PARD6G: variants seen among roughly 807,000 people sequenced by gnomAD.
PARD6G encodes partitioning defective 6 homolog gamma.
In PARD6G, 7 loss-of-function variants were observed where a neutral mutation model predicts 10.7. The ratio of observed to expected loss-of-function variants is 0.66; its 90% CI spans 0.37 to 1.23. The LOEUF (loss-of-function observed/expected upper bound fraction) is 1.23. Ranked by LOEUF, PARD6G falls within the 50% of genes most tolerant of loss-of-function variation. PARD6G has a pLI of 0.02. For synonymous variants in PARD6G, 287 were observed against 269.4 expected (o/e 1.07, Z -0.64); for missense variants, 548 against 571.8 (o/e 0.96, Z 0.42).
rs750620753 is a variant in PARD6G at position 80,181,071 on chromosome 18, G to A, written c.296-20465C>T. 1.3e-5 allele frequency among the ~76,000 whole-genome samples: 2 copies of A among 152,182 alleles called. No homozygotes were observed. The highest frequency in any genetic ancestry group is 6.5e-5 in the Admixed American group (1 of 15,282). On this transcript the variant is annotated intron_variant, in intron 2 of 2. Transcript: ENST00000353265. This position sits in a 1 kb window ranked among gnomAD's most constrained non-coding sequence, Gnocchi z 7.9. ...CTGTTCAAAGGTCTGAACCTCACGC[G>A]CGATCTCGACATTAGAACATGGGCT...
intron 1 of PARD6G, among the ~76,000 whole-genome samples, chr18:80,236,971 A>T (rs534638763): frequency 6.6e-6 from 1 of 152,306 alleles, no homozygotes; most frequent in Admixed American, 6.5e-5. Context: ...GCTACCAATG[A>T]CTTTCTGCAC....
intron 2 of PARD6G, among the ~76,000 whole-genome samples, chr18:80,195,110 C>A (rs1440946520): frequency 6.6e-6 from 1 of 152,188 alleles, no homozygotes; most frequent in Non-Finnish European, 1.5e-5. Flanking sequence ...CCTGTGCCTC[C>A]ACGCTTGGCC....
chr18:80,182,795 T>G lies in PARD6G; in HGVS notation c.295+19915A>C. ...GGGGCTTATCAAAGCTCTGTTTTAT[T>G]CTTTTAAAAATGACAAGTTACTATT... On this transcript the variant is annotated intron_variant, in intron 2 of 2. Transcript: ENST00000353265. The surrounding 1 kb of genome is among the most constrained non-coding windows in gnomAD (Gnocchi z 4.5). The G allele has an allele frequency of 3.3e-6, 1 of 304,300 alleles. No homozygotes were observed. Among genetic ancestry groups the G allele is most frequent in the South Asian group, 7.4e-5 (1 of 13,500 alleles). The allele number at this position is 304,300 out of a possible 1,614,324, so 18.8% of individuals were successfully genotyped here.
intron 2 of PARD6G, among the ~76,000 whole-genome samples, chr18:80,194,589 A>AC (rs771979638): frequency 1.3e-4 from 19 of 150,558 alleles, no homozygotes; most frequent in East Asian, 7.8e-4. Context: ...ATGGACATTC[A>AC]CCCCCCCGAG....
At chr18:80,204,327 C>A (rs1032870644) in intron 1 of PARD6G, among the ~76,000 whole-genome samples, 1 of 152,028 alleles carries the variant, frequency 6.6e-6, no homozygotes, top group East Asian at 1.9e-4. Context: ...CACCTGGAGG[C>A]CCCCCAGAGT....
chr18:80,199,231 T>C (rs1207276662), intron 2 of PARD6G, among the ~76,000 whole-genome samples: 12 of 152,230 alleles, frequency 7.9e-5, no homozygotes. Flanking sequence ...TACACAGTCC[T>C]TGAATAATGA....
intron 2 of PARD6G, among the ~76,000 whole-genome samples, chr18:80,196,802 A>G (rs1966959950): frequency 6.7e-6 from 1 of 149,880 alleles, no homozygotes; most frequent in South Asian, 2.1e-4. Context: ...TCCTCCCTCA[A>G]CACACTCCTA....
intron 1 of PARD6G, among the ~76,000 whole-genome samples, chr18:80,237,632 A>G (rs2145305918): frequency 1.3e-5 from 2 of 152,368 alleles, no homozygotes; most frequent in East Asian, 3.9e-4. Flanking sequence ...AGAATCTACA[A>G]AGAACACAAA....
At chr18:80,173,882 A>T (rs2052792840) in intron 2 of PARD6G, among the ~76,000 whole-genome samples, 1 of 152,164 alleles carries the variant, frequency 6.6e-6, no homozygotes. Flanking sequence ...GCCTCACAGA[A>T]GCCACTGAGT....
At chr18:80,213,672 G>C (rs1466886499) in intron 1 of PARD6G, among the ~76,000 whole-genome samples, 2 of 152,286 alleles carry the variant, frequency 1.3e-5, no homozygotes, top group Non-Finnish European at 2.9e-5. Context: ...AAAATGTTCA[G>C]TTTTGGCCGG....
At position 80,181,549 on chromosome 18, in the gene PARD6G, C is replaced by T. The variant is rs2052848703; in HGVS notation, c.296-20943G>A. On this transcript the variant is annotated intron_variant, in intron 2 of 2. Transcript: ENST00000353265. This position sits in a 1 kb window ranked among gnomAD's most constrained non-coding sequence, Gnocchi z 7.9. ...AACCCTACATCTCTGCTTCCAAAGT[C>T]CGGTAGGTGTGCCCTTCCCCTAAAC... 6.6e-6 allele frequency among the ~76,000 whole-genome samples: 1 copy of T among 152,106 alleles called. No individual in the cohort carries two copies. Among genetic ancestry groups the T allele is most frequent in the Admixed American group, 6.5e-5 (1 of 15,274 alleles).
intron 1 of PARD6G, among the ~76,000 whole-genome samples, chr18:80,235,852 ATAAT>A (rs1469204482): frequency 6.6e-6 from 1 of 152,218 alleles, no homozygotes; most frequent in Non-Finnish European, 1.5e-5. Flanking sequence ...AATTGAGGCA[ATAAT>A]TAATAGCTTA....
intron 1 of PARD6G, among the ~76,000 whole-genome samples, chr18:80,224,703 C>T (rs186191700): frequency 4.7e-4 from 72 of 152,172 alleles, no homozygotes; most frequent in African/African-American, 1.5e-3. Flanking sequence ...AAAAATTAGC[C>T]GGGCGTGATG....
Position 80,183,283 on chromosome 18 carries a change from GAAA to G in PARD6G, c.295+19424_295+19426del. 1.5e-6 allele frequency: 1 copy of G among 663,754 alleles called. No individual in the cohort carries two copies. The highest frequency in any genetic ancestry group is 2.7e-6 in the Non-Finnish European group (1 of 364,318). 41.1% of individuals were successfully genotyped at this position (663,754 alleles called of 1,614,324 possible). A position where few individuals can be genotyped will look rare whatever the true frequency, so the allele number is the denominator to read the frequency against. ...AGCAAAGCCGCATACAGGCATAGTGGAAAAGTACGCTGACCTTCTCAGTGGCTC... is the reference window on the plus strand; with the variant it reads ...AGCAAAGCCGCATACAGGCATAGTGGAGTACGCTGACCTTCTCAGTGGCTC... On this transcript the variant is annotated intron_variant, in intron 2 of 2. Coordinates refer to ENST00000353265, the MANE Select transcript of PARD6G (RefSeq NM_032510.4). This position sits in a 1 kb window ranked among gnomAD's most constrained non-coding sequence, Gnocchi z 4.5.
rs1161147157 is a variant in PARD6G at position 80,195,293 on chromosome 18, C to T, written c.295+7417G>A. 4.6e-5 allele frequency among the ~76,000 whole-genome samples: 7 copies of T among 152,016 alleles called. No homozygotes were observed. In the East Asian group the frequency reaches 1.4e-3, roughly 30 times the overall value. On this transcript the variant is annotated intron_variant, in intron 2 of 2. Coordinates refer to ENST00000353265, the MANE Select transcript of PARD6G (RefSeq NM_032510.4). ...GCTAGACTTGAACTCTGCAGACCTG[C>T]AGCTCCTCATCCACCGAGGCCAGGC...
At position 80,183,206 on chromosome 18, in the gene PARD6G, G is replaced by A. The variant is rs908680650; in HGVS notation, c.295+19504C>T. ...CCTTGCAATGTGAAAGGGTGGGAGA[G>A]AGAAAGCCAGAGAGACTTCTGCAAA... is the stretch of plus-strand genomic sequence containing the variant. On this transcript the variant is annotated intron_variant, in intron 2 of 2. Transcript: ENST00000353265. The surrounding 1 kb of genome is among the most constrained non-coding windows in gnomAD (Gnocchi z 4.5). The A allele has an allele frequency of 4.3e-6, 3 of 702,674 alleles. No individual in the cohort carries two copies. In the South Asian group the frequency reaches 4.4e-5, roughly 10 times the overall value. 43.5% of individuals were successfully genotyped at this position (702,674 alleles called of 1,614,324 possible). A position where few individuals can be genotyped will look rare whatever the true frequency, so the allele number is the denominator to read the frequency against.
intron 1 of PARD6G, among the ~76,000 whole-genome samples, chr18:80,229,053 C>T (rs959078402): frequency 6.6e-6 from 1 of 152,148 alleles, no homozygotes; most frequent in African/African-American, 2.4e-5. Flanking sequence ...ATTCTCCTGC[C>T]TCAGCCTCCC....
chr18:80,225,775 A>G (rs1967282549), intron 1 of PARD6G, among the ~76,000 whole-genome samples: 1 of 152,176 alleles, frequency 6.6e-6, no homozygotes, highest in African/African-American at 2.4e-5. Flanking sequence ...GCAAGTTTCA[A>G]TGTAGATGCC....
At chr18:80,199,642 T>C (rs1966990875) in intron 2 of PARD6G, among the ~76,000 whole-genome samples, 1 of 152,120 alleles carries the variant, frequency 6.6e-6, no homozygotes, top group African/African-American at 2.4e-5. Context: ...AAGCAACAGA[T>C]TAATTTTTCT....
Sources: gnomAD v4.1 joint callset for allele counts (sites outside exome capture counted in the v4.1 genomes callset) on GRCh38, gnomAD v4.1.1 for gene constraint, Gnocchi (gnomAD v3.1) non-coding constraint, MANE v1.5 for transcripts, NCBI Gene and HGNC (gene_info 2026-07-23, HGNC 2026-07-21) for gene names.